DLG2: variants seen among roughly 807,000 people sequenced by gnomAD.
DLG2 encodes disks large homolog 2.
Under a neutral mutation model 132.5 loss-of-function variants are expected in DLG2, and 45 were observed. The ratio of observed to expected loss-of-function variants is 0.34; its 90% CI spans 0.27 to 0.44. The LOEUF (loss-of-function observed/expected upper bound fraction) is 0.44, where lower values mean the gene tolerates loss of function less well. Ranked by LOEUF, DLG2 falls within the 20% of genes least tolerant of loss-of-function variation. DLG2 has a pLI of 1.00. For synonymous variants in DLG2, 424 were observed against 419.6 expected (o/e 1.01, Z -0.13); for missense variants, 1,045 against 1,196.9 (o/e 0.87, Z 1.87).
chr11:84,702,124 A>G (rs912982219), intron 6 of DLG2, among the ~76,000 whole-genome samples: 1 of 151,624 alleles, frequency 6.6e-6, no homozygotes, highest in Non-Finnish European at 1.5e-5. Flanking sequence ...ATCATCAATA[A>G]CATCAGCTCC....
intron 3 of DLG2, among the ~76,000 whole-genome samples, chr11:85,488,047 G>T (rs972754081): frequency 6.6e-6 from 1 of 152,160 alleles, no homozygotes; most frequent in Admixed American, 6.5e-5. Context: ...TTTTATTAGG[G>T]ATTTTTGCTT....
chr11:84,266,067 T>C (rs1441622908), intron 7 of DLG2, among the ~76,000 whole-genome samples: 2 of 152,258 alleles, frequency 1.3e-5, no homozygotes, highest in African/African-American at 2.4e-5. Flanking sequence ...CTTTACTCTA[T>C]TGTACAATAA....
chr11:84,287,910 A>G lies in DLG2; in HGVS notation c.520-36619T>C, dbSNP rs367943221. Among the ~76,000 whole-genome samples, 66 of 152,192 alleles carry G rather than the reference A, an allele frequency of 4.3e-4. 1 individual carries two copies. In the South Asian group the frequency reaches 0.013, roughly 30 times the overall value. ...ATAGGTGAACTTGGATTACTAGTGC[A>G]TGGAAAGGTCATGCATTAAATGAAA... On this transcript the variant is annotated intron_variant, in intron 7 of 27. Coordinates refer to ENST00000376104, the MANE Select transcript of DLG2 (RefSeq NM_001142699.3).
chr11:85,408,048 A>G (rs952544295), intron 3 of DLG2, among the ~76,000 whole-genome samples: 1 of 151,694 alleles, frequency 6.6e-6, no homozygotes, highest in Non-Finnish European at 1.5e-5. Context: ...ACAAAATGCT[A>G]AAAGTATTTA....
In DLG2 at chr11:83,469,126, C is replaced by CAAAAA. The variant is rs11464149; in HGVS notation, c.2619+70_2619+74dup. 477 of 979,718 alleles carry CAAAAA rather than the reference C, an allele frequency of 4.9e-4. 1 individual carries two copies. The African/African-American group carries it at 7.4e-3, about 15-fold the overall frequency. 60.7% of individuals were successfully genotyped at this position (979,718 alleles called of 1,614,324 possible). On this transcript the variant is annotated intron_variant, in intron 25 of 27. Coordinates refer to ENST00000376104, the MANE Select transcript of DLG2 (RefSeq NM_001142699.3). ...ATTGCAATCAAGAAAGAGTAATGACCAAAAAAAAAAAAAAATGCAGTTTGC... is the reference window on the plus strand; with the variant it reads ...ATTGCAATCAAGAAAGAGTAATGACCAAAAAAAAAAAAAAAAAAAATGCAGTTTGC...
chr11:84,931,197 G>A (rs1467379272), intron 6 of DLG2, among the ~76,000 whole-genome samples: 1 of 151,980 alleles, frequency 6.6e-6, no homozygotes, highest in African/African-American at 2.4e-5. Flanking sequence ...TCATGTTGAG[G>A]TTTGTTAATA....
At chr11:84,351,626 T>G (rs1383839256) in intron 7 of DLG2, among the ~76,000 whole-genome samples, 1 of 152,202 alleles carries the variant, frequency 6.6e-6, no homozygotes, top group Non-Finnish European at 1.5e-5. Context: ...TGGAACATAG[T>G]GGATACTCCA....
In DLG2 at chr11:84,770,468, C is replaced by T. The variant is rs1015226592; in HGVS notation, c.358-235737G>A. On this transcript the variant is annotated intron_variant, in intron 6 of 27. Coordinates refer to ENST00000376104, the MANE Select transcript of DLG2 (RefSeq NM_001142699.3). ...TGCTCCTCTCCCTCCTCCCATCCTC[C>T]GCCCTCGAGCAGGTCCCAGTCTGTT... Among the ~76,000 whole-genome samples the T allele has an allele frequency of 8.5e-5, 13 of 152,158 alleles. No individual in the cohort carries two copies. The East Asian group carries it at 1.6e-3, about 18-fold the overall frequency.
At chr11:84,144,134 G>C (rs2094973332) in intron 9 of DLG2, among the ~76,000 whole-genome samples, 1 of 152,108 alleles carries the variant, frequency 6.6e-6, no homozygotes, top group African/African-American at 2.4e-5. Flanking sequence ...ATAGGGTTTT[G>C]TTGTTTACTT....
rs1461220008 is a variant in DLG2, at chr11:83,833,606, A to G, written c.1722+8T>C. ...TGGAGGGAATAAAGATTAAAGAAAC[A>G]TACTCACCGATAGGATCTGGTCTCC... On this transcript the variant is annotated splice_region_variant and intron_variant, in intron 17 of 27. Transcript: ENST00000376104. The G allele has an allele frequency of 6.2e-7, 1 of 1,609,810 alleles. No homozygotes were observed. The highest frequency in any genetic ancestry group is 8.5e-7 in the Non-Finnish European group (1 of 1,178,218).
intron 19 of DLG2, among the ~76,000 whole-genome samples, chr11:83,557,898 A>ATT (rs2096546842): frequency 1.3e-5 from 2 of 152,096 alleles, no homozygotes; most frequent in South Asian, 4.2e-4. Flanking sequence ...ATTGCCTAGG[A>ATT]CAGATTTAGA....
chr11:85,443,350 T>C (rs2091871596), intron 3 of DLG2, among the ~76,000 whole-genome samples: 3 of 152,212 alleles, frequency 2.0e-5, no homozygotes, highest in African/African-American at 7.2e-5. Context: ...ACATTGAACA[T>C]AGAACATAGC....
At chr11:84,986,459 A>G (rs1434727061) in intron 6 of DLG2, among the ~76,000 whole-genome samples, 2 of 152,192 alleles carry the variant, frequency 1.3e-5, no homozygotes, top group African/African-American at 4.8e-5. Flanking sequence ...AAACCAGGAA[A>G]GGACATAACC....
intron 6 of DLG2, among the ~76,000 whole-genome samples, chr11:85,098,543 A>G (rs1334424946): frequency 1.3e-5 from 2 of 152,354 alleles, no homozygotes; most frequent in East Asian, 3.9e-4. Context: ...AGTTATAAAC[A>G]GAGTACAACT....
intron 8 of DLG2, among the ~76,000 whole-genome samples, chr11:84,233,955 C>A (rs1292722346): frequency 6.6e-6 from 1 of 152,184 alleles, no homozygotes; most frequent in African/African-American, 2.4e-5. Context: ...TGGTGATCAG[C>A]AGCTTCCTGA....
intron 8 of DLG2, among the ~76,000 whole-genome samples, chr11:84,233,607 C>T (rs1030322844): frequency 3.9e-5 from 6 of 152,098 alleles, no homozygotes; most frequent in Admixed American, 6.6e-5. Flanking sequence ...TAGGGTGGGG[C>T]CTACAAAAAA....
intron 18 of DLG2, among the ~76,000 whole-genome samples, chr11:83,765,435 T>C (rs1224802481): frequency 1.3e-5 from 2 of 152,228 alleles, no homozygotes; most frequent in Non-Finnish European, 2.9e-5. Context: ...ATACTATAAA[T>C]ACATTCTAAA....
chr11:84,963,198 G>A lies in DLG2; in HGVS notation c.357+148463C>T, dbSNP rs1034531750. ...TTAGGTAAAGTGCTGCTGACATAAT[G>A]TACCGCTGACATACTTAAAGGATGT... On this transcript the variant is annotated intron_variant, in intron 6 of 27. Transcript: ENST00000376104. 2.0e-5 allele frequency among the ~76,000 whole-genome samples: 3 copies of A among 152,158 alleles called. No homozygotes were observed. In the East Asian group the frequency reaches 5.8e-4, roughly 29 times the overall value.
chr11:84,258,508 T>A (rs1192133526), intron 7 of DLG2, among the ~76,000 whole-genome samples: 1 of 152,166 alleles, frequency 6.6e-6, no homozygotes, highest in East Asian at 1.9e-4. Flanking sequence ...CTATAAGTAC[T>A]TTAAGATATA....
Sources: gnomAD v4.1 joint callset for allele counts (sites outside exome capture counted in the v4.1 genomes callset) on GRCh38, gnomAD v4.1.1 for gene constraint, MANE v1.5 for transcripts, NCBI Gene and HGNC (gene_info 2026-07-23, HGNC 2026-07-21) for gene names.